SLC17A8: variants seen among roughly 807,000 people sequenced by gnomAD.
SLC17A8 encodes solute carrier family 17 member 8.
SLC17A8 carries 31 observed loss-of-function variants against 58.0 expected under a neutral mutation model. The observed-to-expected ratio is 0.53, with a 90% CI of 0.40 to 0.72. The LOEUF (loss-of-function observed/expected upper bound fraction) is 0.72. SLC17A8 is among the 30% of genes least tolerant of loss of function. The pLI is 0.00. For synonymous variants in SLC17A8, 228 were observed against 249.0 expected (o/e 0.92, Z 0.79); for missense variants, 655 against 727.8 (o/e 0.90, Z 1.15).
At chr12:100,378,055 A>G (rs891611021) in intron 1 of SLC17A8, among the ~76,000 whole-genome samples, 10 of 152,168 alleles carry the variant, frequency 6.6e-5, no homozygotes, top group Admixed American at 5.9e-4. Flanking sequence ...GTCTAGTTAT[A>G]AAGATTGGGA....
chr12:100,375,021 T>C (rs1952584759), intron 1 of SLC17A8, among the ~76,000 whole-genome samples: 1 of 151,760 alleles, frequency 6.6e-6, no homozygotes, highest in African/African-American at 2.4e-5. Context: ...TCTCCCATAC[T>C]GTATGTCTTC....
At chr12:100,389,879 G>T (rs1246109476) in intron 2 of SLC17A8, among the ~76,000 whole-genome samples, 1 of 151,592 alleles carries the variant, frequency 6.6e-6, no homozygotes, top group African/African-American at 2.4e-5. Flanking sequence ...GGAGTGTAGT[G>T]GTGTGATCTT....
chr12:100,391,227 G>A, intron 3 of SLC17A8, 108 bp downstream of exon 3: 1 of 780,852 alleles, frequency 1.3e-6, no homozygotes, highest in South Asian at 1.4e-5. Flanking sequence ...AAAAACAGGA[G>A]CCATCTGGAT....
At chr12:100,378,920 A>G (rs1952612963) in intron 1 of SLC17A8, among the ~76,000 whole-genome samples, 1 of 152,200 alleles carries the variant, frequency 6.6e-6, no homozygotes, top group African/African-American at 2.4e-5. Flanking sequence ...TAAAACCCAC[A>G]TCATCCAGTA....
chr12:100,420,337 G>A lies in SLC17A8; in HGVS notation c.*178G>A, dbSNP rs878879094. 32 of 603,800 alleles carry A rather than the reference G, an allele frequency of 5.3e-5. No individual in the cohort carries two copies. Among genetic ancestry groups the A allele is most frequent in the South Asian group, 3.9e-4 (19 of 49,074 alleles). The allele number at this position is 603,800 out of a possible 1,614,324, so 37.4% of individuals were successfully genotyped here. A position where few individuals can be genotyped will look rare whatever the true frequency, so the allele number is the denominator to read the frequency against. The stretch of plus-strand genomic sequence containing the variant: ...ATGACATGTATAGGTAAGGAGCTGC[G>A]CTCAGTTGATAACATAGTTGATAAT... On this transcript the variant is annotated 3_prime_UTR_variant, in exon 12 of 12. Transcript: ENST00000323346.
rs530011856 is a variant in SLC17A8, at chr12:100,374,017, C to T, written c.102-6684C>T. Among the ~76,000 whole-genome samples the T allele has an allele frequency of 3.9e-5, 6 of 152,254 alleles. 1 individual carries two copies. The highest frequency in any genetic ancestry group is 6.8e-3 in the Middle Eastern group (2 of 294). On this transcript the variant is annotated intron_variant, in intron 1 of 11. Transcript: ENST00000323346. ...ACACCAGGGATGGCAGAGACCCTAA[C>T]GTTCAGGCAATGTCTATTCATTTAT...
At chr12:100,390,326 G>A (rs943610987) in intron 2 of SLC17A8, among the ~76,000 whole-genome samples, 1 of 149,216 alleles carries the variant, frequency 6.7e-6, no homozygotes, top group African/African-American at 2.4e-5. Context: ...AAATCTATGA[G>A]AGCAGGGACT....
At chr12:100,363,573 T>A (rs1172090262) in intron 1 of SLC17A8, among the ~76,000 whole-genome samples, 3 of 151,968 alleles carry the variant, frequency 2.0e-5, no homozygotes, top group African/African-American at 7.2e-5. Context: ...GGTATGTTGG[T>A]CAGGCTGGTT....
chr12:100,372,519 T>C (rs1265695785), intron 1 of SLC17A8, among the ~76,000 whole-genome samples: 2 of 152,244 alleles, frequency 1.3e-5, no homozygotes, highest in Middle Eastern at 3.4e-3. Flanking sequence ...CTGGCTCAAA[T>C]GTCCTCTTCT....
chr12:100,418,271 C>G, intron 11 of SLC17A8, 115 bp downstream of exon 11: 1 of 1,292,982 alleles, frequency 7.7e-7, no homozygotes, highest in Middle Eastern at 2.3e-4. Context: ...TTGACCTTGA[C>G]TGAGTCAGCT....
chr12:100,399,032 G>T (rs949796660), intron 5 of SLC17A8, among the ~76,000 whole-genome samples: 5 of 152,072 alleles, frequency 3.3e-5, no homozygotes, highest in African/African-American at 1.2e-4. Flanking sequence ...CTCACACTTG[G>T]GTTTGTCTTT....
intron 1 of SLC17A8, among the ~76,000 whole-genome samples, chr12:100,363,859 G>A (rs941351604): frequency 2.6e-5 from 4 of 151,856 alleles, no homozygotes; most frequent in Non-Finnish European, 5.9e-5. Context: ...TGGTCAACAT[G>A]GTGAAACATA....
Position 100,421,658 on chromosome 12 carries a change from G to GTTTTTTTTTTTTTTT in SLC17A8, c.*1507_*1521dup, listed in dbSNP as rs59689031. The GTTTTTTTTTTTTTTT allele has an allele frequency of 3.0e-4, 33 of 109,848 alleles. No homozygotes were observed. The highest frequency in any genetic ancestry group is 4.3e-4 in the Admixed American group (4 of 9,318). 6.8% of individuals were successfully genotyped at this position (109,848 alleles called of 1,614,324 possible). A position where few individuals can be genotyped will look rare whatever the true frequency, so the allele number is the denominator to read the frequency against. On this transcript the variant is annotated 3_prime_UTR_variant, in exon 12 of 12. Coordinates refer to ENST00000323346, the MANE Select transcript of SLC17A8 (RefSeq NM_139319.3). ...TACTTGTAGCTTATTATTGTAAAGT[G>GTTTTTTTTTTTTTTT]TTTTTTTTTTTTTTTTTTTTTTCTA... is the stretch of plus-strand genomic sequence containing the variant.
chr12:100,410,687 TGCAGTTTTCCTGGTAAGAGGTCACGGG>T (rs1396496285), intron 9 of SLC17A8: 2 of 152,322 alleles, frequency 1.3e-5, no homozygotes, highest in African/African-American at 4.8e-5. Context: ...GGTGGCTTAT[TGCAGTTTTCCTGGTAAGAGGTCACGGG>T]GCCTGGAACT....
rs1249739047 is a variant in SLC17A8 at position 100,406,192 on chromosome 12, TCTC to T, written c.1186+2026_1186+2028del. Among the ~76,000 whole-genome samples the T allele has an allele frequency of 2.0e-5, 3 of 152,130 alleles. No individual in the cohort carries two copies. The East Asian group carries it at 5.8e-4, about 29-fold the overall frequency. ...CTCTCTATACATCCAGCTCAATTCT[TCTC>T]CTCTTATGTTTCCTTAAAGCCATGC... On this transcript the variant is annotated intron_variant, in intron 9 of 11. Coordinates refer to ENST00000323346, the MANE Select transcript of SLC17A8 (RefSeq NM_139319.3).
At position 100,420,415 on chromosome 12, in the gene SLC17A8, C is replaced by A. The variant is rs896479365; in HGVS notation, c.*256C>A. ...CTTCTCTCAAAGAGCTAAACTTATTCAGAAAGGAATGACTAGAAGAAAAAG... is the reference window on the plus strand; with the variant it reads ...CTTCTCTCAAAGAGCTAAACTTATTAAGAAAGGAATGACTAGAAGAAAAAG... On this transcript the variant is annotated 3_prime_UTR_variant, in exon 12 of 12. Coordinates refer to ENST00000323346, the MANE Select transcript of SLC17A8 (RefSeq NM_139319.3). The A allele has an allele frequency of 4.5e-6, 2 of 443,246 alleles. No individual in the cohort carries two copies. The highest frequency in any genetic ancestry group is 7.8e-5 in the East Asian group (2 of 25,610). The allele number at this position is 443,246 out of a possible 1,614,324, so 27.5% of individuals were successfully genotyped here. A position where few individuals can be genotyped will look rare whatever the true frequency, so the allele number is the denominator to read the frequency against.
chr12:100,398,261 T>C (rs73376011), intron 5 of SLC17A8, among the ~76,000 whole-genome samples: 38 of 152,190 alleles, frequency 2.5e-4, no homozygotes, highest in African/African-American at 8.9e-4. Flanking sequence ...GTGTCTCTTG[T>C]CCTTAGAAAC....
At chr12:100,364,577 C>T in intron 1 of SLC17A8, among the ~76,000 whole-genome samples, 1 of 152,158 alleles carries the variant, frequency 6.6e-6, no homozygotes, top group East Asian at 1.9e-4. Flanking sequence ...CATCAACTGG[C>T]CAAGTCAGCC....
chr12:100,412,853 G>A lies in SLC17A8; in HGVS notation c.1270G>A (p.Val424Ile). Residue 424 changes from valine (V) to isoleucine (I), a missense_variant, in exon 10 of 12, where the codon GTA becomes ATA. Val to Ile is a conservative substitution (Grantham distance 29, BLOSUM62 3). Transcript: ENST00000323346. The part of the protein sequence containing the change: ...GVAISFLVLA[V>I]GFSGFAISGF... ...GGCTATCTCCTTTCTGGTACTTGCT[G>A]TAGGATTTAGTGGCTTCGCTATTTC... The A allele has an allele frequency of 6.2e-7, 1 of 1,614,054 alleles. No individual in the cohort carries two copies. Among genetic ancestry groups the A allele is most frequent in the Non-Finnish European group, 8.5e-7 (1 of 1,179,940 alleles).
Sources: gnomAD v4.1 joint callset for allele counts (sites outside exome capture counted in the v4.1 genomes callset) on GRCh38, gnomAD v4.1.1 for gene constraint, MANE v1.5 for transcripts, NCBI Gene and HGNC (gene_info 2026-07-23, HGNC 2026-07-21) for gene names.